GRM5: variants seen among roughly 807,000 people sequenced by gnomAD.
The protein encoded by GRM5 is metabotropic glutamate receptor 5.
GRM5 carries 19 observed loss-of-function variants against 83.1 expected under a neutral mutation model. That is an observed-to-expected ratio of 0.23 (90% CI 0.16 to 0.34). The LOEUF is 0.34. GRM5 is among the 10% of genes least tolerant of loss of function. GRM5 has a pLI of 1.00. For missense variants in GRM5, 1,160 were observed against 1,588.3 expected (o/e 0.73, Z 4.58); for synonymous variants, 675 against 633.6 (o/e 1.07, Z -0.98).
intron 2 of GRM5, among the ~76,000 whole-genome samples, chr11:89,033,015 T>C (rs1941297858): frequency 6.6e-6 from 1 of 152,068 alleles, no homozygotes; most frequent in Non-Finnish European, 1.5e-5. Context: ...TCCAAAGTAC[T>C]GTACTCAATA....
intron 6 of GRM5, among the ~76,000 whole-genome samples, chr11:88,596,271 C>T (rs1937802859): frequency 6.6e-6 from 1 of 152,104 alleles, no homozygotes; most frequent in African/African-American, 2.4e-5. Context: ...TCTGTTTCTT[C>T]CCTAATTCAA....
At chr11:88,800,692 C>G (rs3907594) in intron 3 of GRM5, among the ~76,000 whole-genome samples, 74,367 of 151,920 alleles carry the variant, frequency 0.49, 21,480 homozygotes, top group African/African-American at 0.76. Context: ...AGCAAGTTCT[C>G]ATAGGTGACA....
At position 88,807,033 on chromosome 11, in the gene GRM5, G is replaced by T. The variant is rs142612479; in HGVS notation, c.911+42873C>A. Among the ~76,000 whole-genome samples the T allele has an allele frequency of 1.8e-3, 271 of 152,192 alleles. 1 individual carries two copies. Among genetic ancestry groups the T allele is most frequent in the African/African-American group, 6.0e-3 (251 of 41,532 alleles). On this transcript the variant is annotated intron_variant, in intron 3 of 9. Coordinates refer to ENST00000305447, the MANE Select transcript of GRM5 (RefSeq NM_001143831.3). ...CAAAACAAGGTTTTACTTTCCCTAG[G>T]CTGTATTTGCATTTTATTTTATGTT... is the stretch of plus-strand genomic sequence containing the variant.
chr11:88,967,606 G>A (rs537166625), intron 2 of GRM5, among the ~76,000 whole-genome samples: 106 of 152,098 alleles, frequency 7.0e-4, no homozygotes, highest in Middle Eastern at 6.8e-3. Context: ...CCATTCATGA[G>A]GGCAAAGTCC....
chr11:88,514,888 C>G (rs1331728226), intron 9 of GRM5, among the ~76,000 whole-genome samples: 1 of 151,740 alleles, frequency 6.6e-6, no homozygotes, highest in Non-Finnish European at 1.5e-5. Flanking sequence ...ATGTCTAATC[C>G]CAACTCCTCC....
chr11:88,910,897 A>T (rs1271220196), intron 2 of GRM5, among the ~76,000 whole-genome samples: 1 of 152,042 alleles, frequency 6.6e-6, no homozygotes, highest in Non-Finnish European at 1.5e-5. Context: ...AAAATCCAAG[A>T]AATATTTTAA....
At chr11:88,571,753 C>A (rs752954897) in intron 7 of GRM5, among the ~76,000 whole-genome samples, 3 of 152,124 alleles carry the variant, frequency 2.0e-5, no homozygotes, top group Non-Finnish European at 4.4e-5. Context: ...TGTAATCATC[C>A]TAACCTTACT....
At chr11:88,619,738 T>C (rs1034550683) in intron 4 of GRM5, among the ~76,000 whole-genome samples, 3 of 152,174 alleles carry the variant, frequency 2.0e-5, no homozygotes, top group Non-Finnish European at 4.4e-5. Context: ...TTGTGTTAGT[T>C]CTTATTCTAG....
rs1236769650 is a variant in GRM5 at position 88,687,575 on chromosome 11, A to AT, written c.912-34173dup. 1.9e-3 allele frequency among the ~76,000 whole-genome samples: 77 copies of AT among 39,638 alleles called. 15 individuals are homozygous for AT. The highest frequency in any genetic ancestry group is 1.7e-3 in the Admixed American group (4 of 2,392). The allele number at this position is 39,638 out of a possible 152,430, so 26.0% of individuals were successfully genotyped here. On this transcript the variant is annotated intron_variant, in intron 3 of 9. Transcript: ENST00000305447. ...ACACATATATATTATATATATATAT[A>AT]TATAATATATATATATATATATTCT...
chr11:88,552,732 C>G (rs1157652694), intron 8 of GRM5, among the ~76,000 whole-genome samples: 3 of 152,132 alleles, frequency 2.0e-5, no homozygotes, highest in Non-Finnish European at 4.4e-5. Flanking sequence ...TCTGATTCTT[C>G]TCTAGCATTA....
intron 2 of GRM5, among the ~76,000 whole-genome samples, chr11:88,884,726 G>A (rs536874): frequency 0.71 from 107,505 of 151,998 alleles, 38,491 homozygotes; most frequent in East Asian, 0.92. Context: ...CTATTCTTGC[G>A]GTAGTGAATA....
At chr11:88,772,415 T>G (rs1252614736) in intron 3 of GRM5, among the ~76,000 whole-genome samples, 1 of 151,996 alleles carries the variant, frequency 6.6e-6, no homozygotes, top group Non-Finnish European at 1.5e-5. Flanking sequence ...TTTTTTATTT[T>G]TTTTTTACTA....
At chr11:89,046,747 A>G (rs1240013975) in intron 2 of GRM5, among the ~76,000 whole-genome samples, 2 of 152,208 alleles carry the variant, frequency 1.3e-5, no homozygotes, top group African/African-American at 2.4e-5. Context: ...GTAATTCTCT[A>G]TAACAACACA....
At chr11:89,025,943 C>T (rs571824734) in intron 2 of GRM5, among the ~76,000 whole-genome samples, 2 of 152,156 alleles carry the variant, frequency 1.3e-5, no homozygotes, top group South Asian at 4.1e-4. Flanking sequence ...AGATGCTCAT[C>T]AACTGTGGAG....
In GRM5 at chr11:89,047,604, G is replaced by A. The variant is rs1003036477; in HGVS notation, c.269C>T (p.Thr90Ile). Reference sequence around the variant, plus strand: ...GGAGTCCCTTATCTCACAGCCCAGTGTGATGTTGGGCAAGAGTGTGGGGTC... The same window carrying A: ...GGAGTCCCTTATCTCACAGCCCAGTATGATGTTGGGCAAGAGTGTGGGGTC... ...NSDPTLLPNI[T>I]LGCEIRDSCW... Residue 90 changes from threonine to isoleucine, a missense_variant, in exon 2 of 10, where the codon ACA becomes ATA. Coordinates refer to ENST00000305447, the MANE Select transcript of GRM5 (RefSeq NM_001143831.3). This position sits in a 1 kb window ranked among gnomAD's most constrained non-coding sequence, Gnocchi z 5.1. The A allele has an allele frequency of 3.7e-6, 6 of 1,614,034 alleles. No homozygotes were observed. The African/African-American group carries it at 5.3e-5, about 14-fold the overall frequency.
At chr11:88,897,945 G>T (rs1334140019) in intron 2 of GRM5, among the ~76,000 whole-genome samples, 1 of 151,968 alleles carries the variant, frequency 6.6e-6, no homozygotes. Flanking sequence ...GACCAACTTT[G>T]TTTCCTTGGG....
At chr11:88,706,297 C>T (rs1345160798) in intron 3 of GRM5, among the ~76,000 whole-genome samples, 2 of 152,080 alleles carry the variant, frequency 1.3e-5, no homozygotes, top group Non-Finnish European at 2.9e-5. Flanking sequence ...CACCCTTCCT[C>T]ACTCAAGATT....
intron 3 of GRM5, among the ~76,000 whole-genome samples, chr11:88,802,141 G>A (rs1237593004): frequency 6.6e-6 from 1 of 152,030 alleles, no homozygotes; most frequent in African/African-American, 2.4e-5. Context: ...AGTGATGAGA[G>A]CTCATGGATC....
At chr11:89,020,394 C>A (rs2135106938) in intron 2 of GRM5, among the ~76,000 whole-genome samples, 1 of 152,368 alleles carries the variant, frequency 6.6e-6, no homozygotes, top group Non-Finnish European at 1.5e-5. Flanking sequence ...AAGTCATCAT[C>A]TTTCCTGTAA....
Sources: gnomAD v4.1 joint callset for allele counts (sites outside exome capture counted in the v4.1 genomes callset) on GRCh38, gnomAD v4.1.1 for gene constraint, Gnocchi (gnomAD v3.1) non-coding constraint, MANE v1.5 for transcripts, NCBI Gene and HGNC (gene_info 2026-07-23, HGNC 2026-07-21) for gene names.